INHBA: variants seen among roughly 807,000 people sequenced by gnomAD.
The protein encoded by INHBA is inhibin subunit beta A.
Under a neutral mutation model 29.0 loss-of-function variants are expected in INHBA, and 1 was observed. That is an observed-to-expected ratio of 0.03 (90% CI 0.01 to 0.16). INHBA has a LOEUF of 0.16. Among genes scored for constraint, INHBA ranks in the 10% least tolerant of loss-of-function variants. The pLI is 1.00. For synonymous variants in INHBA, 242 were observed against 216.8 expected (o/e 1.12, Z -1.02); for missense variants, 376 against 545.4 (o/e 0.69, Z 3.09).
chr7:41,688,051 A>T lies in INHBA; in HGVS notation c.*1599T>A, dbSNP rs916348629. ...AATTTCCAGGCTTTTTCCCATCCGA[A>T]TTTTTGAAATGCGCCCACCTAGTTC... is the stretch of plus-strand genomic sequence containing the variant. On this transcript the variant is annotated 3_prime_UTR_variant, in exon 3 of 3. Coordinates refer to ENST00000242208, the MANE Select transcript of INHBA (RefSeq NM_002192.4). 25 of 152,300 alleles carry T rather than the reference A, an allele frequency of 1.6e-4. No homozygotes were observed. Among genetic ancestry groups the T allele is most frequent in the Middle Eastern group, 3.4e-3 (1 of 294 alleles). The allele number at this position is 152,300 out of a possible 1,614,324, so 9.4% of individuals were successfully genotyped here.
At chr7:41,703,947 G>C (rs1248146423), upstream of INHBA, among the ~76,000 whole-genome samples, 4 of 152,086 alleles carry the variant, frequency 2.6e-5, no homozygotes, top group African/African-American at 7.2e-5. Context: ...CTTTTTTTGT[G>C]GGGGAGGGGT....
chr7:41,686,014 A>G lies in INHBA; in HGVS notation c.*3636T>C, dbSNP rs1794387575. 2 of 152,110 alleles carry G rather than the reference A, an allele frequency of 1.3e-5. No individual in the cohort carries two copies. Among genetic ancestry groups the G allele is most frequent in the African/African-American group, 2.4e-5 (1 of 41,442 alleles). The allele number at this position is 152,110 out of a possible 1,614,324, so 9.4% of individuals were successfully genotyped here. ...GGTCCGTGCTTAATACAACTGAGAC[A>G]TATTTGTTCTCTGTTTTTTTAGAGT... On this transcript the variant is annotated 3_prime_UTR_variant, in exon 3 of 3. Coordinates refer to ENST00000242208, the MANE Select transcript of INHBA (RefSeq NM_002192.4).
At chr7:41,701,264 C>G (rs1195009296) in intron 1 of INHBA, among the ~76,000 whole-genome samples, 1 of 152,102 alleles carries the variant, frequency 6.6e-6, no homozygotes, top group Non-Finnish European at 1.5e-5. Flanking sequence ...GAACGCCCAC[C>G]TGGCCACGTG....
At chr7:41,697,341 C>T (rs1286920424) in intron 2 of INHBA, among the ~76,000 whole-genome samples, 1 of 151,988 alleles carries the variant, frequency 6.6e-6, no homozygotes, top group Non-Finnish European at 1.5e-5. Flanking sequence ...AGAGTGATTC[C>T]CTGCTGTTTA....
intron 1 of INHBA, among the ~76,000 whole-genome samples, chr7:41,702,356 A>G (rs1457955475): frequency 6.6e-6 from 1 of 152,234 alleles, no homozygotes; most frequent in Non-Finnish European, 1.5e-5. Flanking sequence ...TTCTGTTACA[A>G]GTAACCTAAC....
In INHBA at chr7:41,685,938, T is replaced by A. The variant is rs1308854707; in HGVS notation, c.*3712A>T. 2 of 152,148 alleles carry A rather than the reference T, an allele frequency of 1.3e-5. No individual in the cohort carries two copies. The highest frequency in any genetic ancestry group is 4.8e-5 in the African/African-American group (2 of 41,452). The allele number at this position is 152,148 out of a possible 1,614,324, so 9.4% of individuals were successfully genotyped here. A position where few individuals can be genotyped will look rare whatever the true frequency, so the allele number is the denominator to read the frequency against. On this transcript the variant is annotated 3_prime_UTR_variant, in exon 3 of 3. Transcript: ENST00000242208. Reference sequence around the variant, plus strand: ...TTTTTCCCTACATTGAAAAGAGAAGTTGCCAAAAGGTGCACAGGAAATCAT... The same window carrying A: ...TTTTTCCCTACATTGAAAAGAGAAGATGCCAAAAGGTGCACAGGAAATCAT...
rs919035995 is a variant in INHBA at position 41,700,201 on chromosome 7, G to T, written c.174C>A (p.Val58=). The T allele has an allele frequency of 1.3e-5, 21 of 1,613,926 alleles. No individual in the cohort carries two copies. Among genetic ancestry groups the T allele is most frequent in the Non-Finnish European group, 1.7e-5 (20 of 1,180,002 alleles). ...PNSQPEMVEA[V]KKHILNMLHL... ...GCAGCATGTTTAAAATGTGCTTCTTGACGGCCTCCACCATCTCTGGCTGAG... is the reference window on the plus strand; with the variant it reads ...GCAGCATGTTTAAAATGTGCTTCTTTACGGCCTCCACCATCTCTGGCTGAG... The change falls in exon 2 of 3, where the codon GTC becomes GTA. Residue 58 remains valine, a synonymous_variant. Transcript: ENST00000242208.
chr7:41,695,265 T>C (rs975437124), intron 2 of INHBA, among the ~76,000 whole-genome samples: 3 of 152,240 alleles, frequency 2.0e-5, no homozygotes, highest in Admixed American at 6.5e-5. Context: ...TCGTTGTTTA[T>C]AGAACACATT....
At chr7:41,700,697 GAGAC>G (rs1181669985) in intron 1 of INHBA, 180 bp from the exon 2 acceptor site, 2 of 250,094 alleles carry the variant, frequency 8.0e-6, no homozygotes, top group Admixed American at 5.4e-5. Context: ...GGGTGGCGGG[GAGAC>G]AGACAGAGAC....
At position 41,703,023 on chromosome 7, in the gene INHBA, T is replaced by C. The variant is rs1341205862; in HGVS notation, c.-162A>G. ...GCATTACCTTTCTGGTCCCCACTCT[T>C]CCACCAGCCGGCTCTTGTATCATGT... is the stretch of plus-strand genomic sequence containing the variant. On this transcript the variant is annotated 5_prime_UTR_variant, in exon 1 of 3. Coordinates refer to ENST00000242208, the MANE Select transcript of INHBA (RefSeq NM_002192.4). 1 of 152,214 alleles carries C rather than the reference T, an allele frequency of 6.6e-6. No individual in the cohort carries two copies. The highest frequency in any genetic ancestry group is 1.5e-5 in the Non-Finnish European group (1 of 68,046). 9.4% of individuals were successfully genotyped at this position (152,214 alleles called of 1,614,324 possible).
At chr7:41,691,224 G>C (rs948792751) in intron 2 of INHBA, 1 of 152,312 alleles carries the variant, frequency 6.6e-6, no homozygotes, top group African/African-American at 2.4e-5. Context: ...AGACACACTT[G>C]AGCCAGCCTC....
At chr7:41,701,438 G>A (rs1234984723) in intron 1 of INHBA, among the ~76,000 whole-genome samples, 2 of 152,126 alleles carry the variant, frequency 1.3e-5, no homozygotes, top group Admixed American at 6.5e-5. Flanking sequence ...ACACTGGCAG[G>A]CAATCTGAGG....
At chr7:41,690,741 T>G (rs905771827) in intron 2 of INHBA, among the ~76,000 whole-genome samples, 199 bp from the exon 3 acceptor site, 5 of 152,198 alleles carry the variant, frequency 3.3e-5, no homozygotes, top group African/African-American at 1.2e-4. Flanking sequence ...TTTAAGTGGT[T>G]AAAGAAAAGT....
Position 41,688,839 on chromosome 7 carries a change from A to G in INHBA, c.*811T>C, listed in dbSNP as rs1794437956. ...AATTAATCAGATTACTTCCAATACAAAAAAGTCTCTCTTTTTGTTCTCTCT... is the reference window on the plus strand; with the variant it reads ...AATTAATCAGATTACTTCCAATACAGAAAAGTCTCTCTTTTTGTTCTCTCT... On this transcript the variant is annotated 3_prime_UTR_variant, in exon 3 of 3. Coordinates refer to ENST00000242208, the MANE Select transcript of INHBA (RefSeq NM_002192.4). 2 of 220,978 alleles carry G rather than the reference A, an allele frequency of 9.1e-6. No individual in the cohort carries two copies. Among genetic ancestry groups the G allele is most frequent in the Non-Finnish European group, 1.8e-5 (2 of 110,446 alleles). The allele number at this position is 220,978 out of a possible 1,614,324, so 13.7% of individuals were successfully genotyped here. A position where few individuals can be genotyped will look rare whatever the true frequency, so the allele number is the denominator to read the frequency against.
chr7:41,688,924 G>A lies in INHBA; in HGVS notation c.*726C>T, dbSNP rs959039815. ...GTTCTAAGATCATAAGCACCTTAAC[G>A]AAATGTAACTTGGTATTCTTTTTTC... On this transcript the variant is annotated 3_prime_UTR_variant, in exon 3 of 3. Transcript: ENST00000242208. 4.4e-6 allele frequency: 1 copy of A among 229,784 alleles called. No homozygotes were observed. Among genetic ancestry groups the A allele is most frequent in the South Asian group, 1.8e-4 (1 of 5,498 alleles). The allele number at this position is 229,784 out of a possible 1,614,324, so 14.2% of individuals were successfully genotyped here.
In INHBA at chr7:41,688,360, G is replaced by A. The variant is rs1033189521; in HGVS notation, c.*1290C>T. On this transcript the variant is annotated 3_prime_UTR_variant, in exon 3 of 3. Coordinates refer to ENST00000242208, the MANE Select transcript of INHBA (RefSeq NM_002192.4). The stretch of plus-strand genomic sequence containing the variant: ...AATGTCCTGTTTCATGGATGTAAAA[G>A]GAGTCAAAAACCAAACTTCTCAGGT... The A allele has an allele frequency of 1.3e-4, 20 of 152,050 alleles. No homozygotes were observed. The highest frequency in any genetic ancestry group is 4.8e-4 in the African/African-American group (20 of 41,388). The allele number at this position is 152,050 out of a possible 1,614,324, so 9.4% of individuals were successfully genotyped here.
At chr7:41,694,656 T>A (rs927758037) in intron 2 of INHBA, among the ~76,000 whole-genome samples, 1 of 152,192 alleles carries the variant, frequency 6.6e-6, no homozygotes, top group African/African-American at 2.4e-5. Flanking sequence ...CTCTGTGCTA[T>A]TTTTTCCCTC....
At chr7:41,697,698 GA>G (rs771485547) in intron 2 of INHBA, among the ~76,000 whole-genome samples, 23 of 152,150 alleles carry the variant, frequency 1.5e-4, no homozygotes, top group Non-Finnish European at 3.4e-4. Context: ...CACATAGTTG[GA>G]ATGTTATTAA....
chr7:41,699,957 TCCCCA>T, intron 2 of INHBA, 25 bp downstream of exon 2: 4 of 114,474 alleles, frequency 3.5e-5, no homozygotes, highest in Non-Finnish European at 7.1e-5. Flanking sequence ...CCCCCACCCC[TCCCCA>T]CCCCCTGCCA....
Sources: allele counts gnomAD v4.1 joint callset (sites outside exome capture counted in the v4.1 genomes callset), GRCh38; gene constraint gnomAD v4.1.1; transcripts MANE v1.5; gene names NCBI Gene and HGNC (gene_info 2026-07-23, HGNC 2026-07-21).